Variants in KDM2A observed in about 807,000 individuals in gnomAD.
The protein encoded by KDM2A is lysine-specific demethylase 2A.
In KDM2A, 3 loss-of-function variants were observed where a neutral mutation model predicts 137.3. The observed-to-expected ratio is 0.02, with a 90% CI of 0.01 to 0.06. KDM2A has a LOEUF of 0.06. Among genes scored for constraint, KDM2A ranks in the 10% least tolerant of loss-of-function variants. The pLI is 1.00. For synonymous variants in KDM2A, 512 were observed against 541.5 expected, an observed-to-expected ratio of 0.95 and a Z score of 0.76; for missense variants, 738 against 1,510.6, an observed-to-expected ratio of 0.49 and a Z score of 8.48.
intron 12 of KDM2A, among the ~76,000 whole-genome samples, chr11:67,236,388 C>T (rs1256137757): frequency 1.3e-5 from 2 of 152,106 alleles, no homozygotes; most frequent in African/African-American, 4.8e-5. Flanking sequence ...TCTAGGCCTC[C>T]CAGAGTGCTA....
At chr11:67,236,188 T>C (rs1858866648) in intron 12 of KDM2A, among the ~76,000 whole-genome samples, 2 of 152,178 alleles carry the variant, frequency 1.3e-5, no homozygotes, top group African/African-American at 2.4e-5. Flanking sequence ...CGAAGTGCAG[T>C]GGCGTGATCT....
chr11:67,197,247 C>T (rs1417429154), intron 5 of KDM2A: 2 of 151,954 alleles, frequency 1.3e-5, no homozygotes, highest in East Asian at 1.9e-4. Flanking sequence ...AATCATGCCT[C>T]CCTGCAGCCT....
chr11:67,126,130 C>T (rs1266880268), intron 2 of KDM2A, among the ~76,000 whole-genome samples: 1 of 151,194 alleles, frequency 6.6e-6, no homozygotes, highest in Non-Finnish European at 1.5e-5. Flanking sequence ...CCTGTAATCC[C>T]AGCTACTCAG....
At chr11:67,190,265 C>G (rs571390748) in intron 5 of KDM2A, among the ~76,000 whole-genome samples, 11 of 152,106 alleles carry the variant, frequency 7.2e-5, no homozygotes, top group African/African-American at 2.6e-4. Flanking sequence ...CATAAATTAG[C>G]TGGATGTGGT....
At chr11:67,181,977 C>T in intron 5 of KDM2A, 85 bp downstream of exon 5, 1 of 1,126,480 alleles carries the variant, frequency 8.9e-7, no homozygotes, top group Admixed American at 1.8e-5. Flanking sequence ...AGATTTAAGG[C>T]CTAGGAACAT....
chr11:67,133,095 C>T (rs1855888214), intron 2 of KDM2A, among the ~76,000 whole-genome samples: 2 of 151,938 alleles, frequency 1.3e-5, no homozygotes, highest in Admixed American at 1.3e-4. Flanking sequence ...TGCTTTTATT[C>T]GTATTTATTT....
At chr11:67,143,020 C>CTTTT (rs1194089199) in intron 2 of KDM2A, among the ~76,000 whole-genome samples, 3 of 126,436 alleles carry the variant, frequency 2.4e-5, no homozygotes, top group Non-Finnish European at 3.3e-5. Flanking sequence ...TATATCTATT[C>CTTTT]TTTTTTTTTT....
Position 67,258,053 on chromosome 11 carries a change from A to T in KDM2A, c.*2998A>T, listed in dbSNP as rs907295652. ...TTTGTTTGGGGGTTTTTGTTTTTTT[A>T]AAAAAATAAAAAGGCTTTAAAAACA... is the stretch of plus-strand genomic sequence containing the variant. On this transcript the variant is annotated 3_prime_UTR_variant, in exon 21 of 21. Coordinates refer to ENST00000529006, the MANE Select transcript of KDM2A (RefSeq NM_012308.3). 20 of 152,226 alleles carry T rather than the reference A, an allele frequency of 1.3e-4. No homozygotes were observed. Among genetic ancestry groups the T allele is most frequent in the Admixed American group, 5.2e-4 (8 of 15,286 alleles). The allele number at this position is 152,226 out of a possible 1,614,324, so 9.4% of individuals were successfully genotyped here.
At chr11:67,146,085 G>A (rs1220970757) in intron 2 of KDM2A, among the ~76,000 whole-genome samples, 8 of 147,826 alleles carry the variant, frequency 5.4e-5, no homozygotes, top group African/African-American at 1.5e-4. Context: ...TCCACCTCCC[G>A]GGTTCAAGCG....
At chr11:67,120,715 C>T (rs1348585137) in intron 1 of KDM2A, among the ~76,000 whole-genome samples, 1 of 152,122 alleles carries the variant, frequency 6.6e-6, no homozygotes, top group African/African-American at 2.4e-5. Flanking sequence ...GACGATTGTG[C>T]ACGGCCTTAC....
intron 2 of KDM2A, among the ~76,000 whole-genome samples, chr11:67,151,579 G>C (rs755228952): frequency 1.3e-4 from 19 of 151,920 alleles, no homozygotes; most frequent in Non-Finnish European, 2.5e-4. Flanking sequence ...TTGAACTCCT[G>C]ACCTCAGGTG....
At position 67,207,837 on chromosome 11, in the gene KDM2A, C is replaced by T. The variant is rs1270494848; in HGVS notation, c.486+149C>T. 1.7e-5 allele frequency: 9 copies of T among 528,082 alleles called. No individual in the cohort carries two copies. Among genetic ancestry groups the T allele is most frequent in the Non-Finnish European group, 2.9e-5 (9 of 312,038 alleles). The allele number at this position is 528,082 out of a possible 1,614,324, so 32.7% of individuals were successfully genotyped here. A position where few individuals can be genotyped will look rare whatever the true frequency, so the allele number is the denominator to read the frequency against. On this transcript the variant is annotated intron_variant, in intron 6 of 20. Transcript: ENST00000529006. ...CTGAGGAGTTTGAGAGCAGCCGGGG[C>T]AACATGGTGAAACCACATCTCTACA...
Position 67,215,968 on chromosome 11 carries a change from TA to T in KDM2A, c.687+20del. The T allele has an allele frequency of 1.3e-6, 2 of 1,595,750 alleles. No homozygotes were observed. Among genetic ancestry groups the T allele is most frequent in the Middle Eastern group, 1.7e-4 (1 of 6,024 alleles). On this transcript the variant is annotated intron_variant, in intron 8 of 20. Transcript: ENST00000529006. ...GGGAAAGGTATGGTCATAGTTGTGA[TA>T]GGGGTTGGAATCTGAAGTTGGTTGT...
At chr11:67,200,976 G>A (rs909745674) in intron 5 of KDM2A, among the ~76,000 whole-genome samples, 2 of 151,780 alleles carry the variant, frequency 1.3e-5, no homozygotes, top group Non-Finnish European at 2.9e-5. Context: ...GGTGGATCAC[G>A]AGGTCAGGAG....
At chr11:67,184,430 C>T (rs1857157641) in intron 5 of KDM2A, among the ~76,000 whole-genome samples, 1 of 152,084 alleles carries the variant, frequency 6.6e-6, no homozygotes, top group African/African-American at 2.4e-5. Flanking sequence ...GAGTTCGAGA[C>T]CAGCCTGACC....
intron 12 of KDM2A, chr11:67,239,976 C>A: frequency 9.0e-7 from 1 of 1,111,846 alleles, no homozygotes; most frequent in Non-Finnish European, 1.1e-6. Context: ...CCTCCCGGCT[C>A]TGCAGCAGAA....
chr11:67,212,949 A>T (rs1030902280), intron 6 of KDM2A, among the ~76,000 whole-genome samples: 1 of 152,110 alleles, frequency 6.6e-6, no homozygotes, highest in African/African-American at 2.4e-5. Context: ...GAAACAGTAA[A>T]TTTTATTTGA....
rs963622207 is a variant in KDM2A, at chr11:67,142,454, T to C, written c.42+21096T>C. The stretch of plus-strand genomic sequence containing the variant: ...TCACCTGAGGTCAGGAGTTCTAGAC[T>C]AGCCTGGCCAAGATGGTGAAACCCT... On this transcript the variant is annotated intron_variant, in intron 2 of 20. Coordinates refer to ENST00000529006, the MANE Select transcript of KDM2A (RefSeq NM_012308.3). 1.1e-4 allele frequency among the ~76,000 whole-genome samples: 16 copies of C among 150,346 alleles called. No homozygotes were observed. The South Asian group carries it at 3.1e-3, about 30-fold the overall frequency.
chr11:67,254,627 G>T lies in KDM2A; in HGVS notation c.3307+209G>T, dbSNP rs753564229. The T allele has an allele frequency of 3.1e-6, 2 of 637,316 alleles. No homozygotes were observed. The highest frequency in any genetic ancestry group is 5.5e-6 in the Non-Finnish European group (2 of 365,258). The allele number at this position is 637,316 out of a possible 1,614,324, so 39.5% of individuals were successfully genotyped here. On this transcript the variant is annotated intron_variant, in intron 20 of 20. Transcript: ENST00000529006. This position sits in a 1 kb window ranked among gnomAD's most constrained non-coding sequence, Gnocchi z 4.7. ...GTAGTTAAGTCGGTTGCCTGTCTGC[G>T]CAGCCAACATCCAGCTGGAGTTTGG... is the stretch of plus-strand genomic sequence containing the variant.
Sources: allele counts gnomAD v4.1 joint callset (sites outside exome capture counted in the v4.1 genomes callset), GRCh38; gene constraint gnomAD v4.1.1; non-coding constraint Gnocchi (gnomAD v3.1); transcripts MANE v1.5; gene names NCBI Gene and HGNC (gene_info 2026-07-23, HGNC 2026-07-21).